The following PTPRE variants were observed in gnomAD, a reference collection of about 807,000 sequenced individuals.
PTPRE encodes protein tyrosine phosphatase receptor type E.
In PTPRE, 51 loss-of-function variants were observed where a neutral mutation model predicts 102.0. That is an observed-to-expected ratio of 0.50 (90% CI 0.40 to 0.63). PTPRE has a LOEUF of 0.63. Ranked by LOEUF, PTPRE falls within the 30% of genes least tolerant of loss-of-function variation. The probability of loss-of-function intolerance (pLI) is 0.00; values close to 1 mark genes in which losing one functional copy is unlikely to be tolerated. For synonymous variants in PTPRE, 345 were observed against 348.2 expected (o/e 0.99, Z 0.10); for missense variants, 752 against 915.1 (o/e 0.82, Z 2.30).
chr10:128,062,960 C>G (rs905940128), intron 9 of PTPRE, 123 bp from the exon 10 acceptor site: 2 of 1,482,692 alleles, frequency 1.3e-6, no homozygotes, highest in Non-Finnish European at 1.8e-6. Context: ...CGTGTGTGTC[C>G]CCAACAAGCC....
At chr10:128,067,510 A>G (rs888255870) in intron 11 of PTPRE, among the ~76,000 whole-genome samples, 5 of 151,662 alleles carry the variant, frequency 3.3e-5, no homozygotes, top group Non-Finnish European at 1.5e-5. Flanking sequence ...ACCCACACAT[A>G]CATGCGCACA....
intron 11 of PTPRE, among the ~76,000 whole-genome samples, chr10:128,067,228 A>T (rs372964036): frequency 3.3e-5 from 5 of 151,544 alleles, no homozygotes; most frequent in East Asian, 3.9e-4. Context: ...ACATGCACAC[A>T]CATGCACACA....
chr10:128,079,999 A>G (rs1010450116), intron 20 of PTPRE, among the ~76,000 whole-genome samples: 2 of 152,180 alleles, frequency 1.3e-5, no homozygotes, highest in African/African-American at 4.8e-5. Flanking sequence ...GAACTATTCT[A>G]CGAGAGTCCT....
intron 3 of PTPRE, among the ~76,000 whole-genome samples, chr10:128,043,742 A>C (rs1253211730): frequency 1.3e-5 from 2 of 152,230 alleles, no homozygotes; most frequent in East Asian, 3.9e-4. Flanking sequence ...GAAACAACTT[A>C]AATGTCCATC....
chr10:127,970,993 C>T (rs960819691), intron 1 of PTPRE, among the ~76,000 whole-genome samples: 3 of 152,112 alleles, frequency 2.0e-5, no homozygotes, highest in Admixed American at 2.0e-4. Flanking sequence ...GCAAAATCAG[C>T]TGCAGTCATT....
chr10:128,057,313 A>G (rs1849070207), intron 7 of PTPRE, among the ~76,000 whole-genome samples: 1 of 152,058 alleles, frequency 6.6e-6, no homozygotes, highest in Admixed American at 6.5e-5. Flanking sequence ...TTTGCCCATC[A>G]GGCTAACAAA....
chr10:128,007,270 T>G (rs1854660209), intron 2 of PTPRE, among the ~76,000 whole-genome samples: 1 of 152,224 alleles, frequency 6.6e-6, no homozygotes, highest in Non-Finnish European at 1.5e-5. Flanking sequence ...TTTTGGCTAG[T>G]TCATTCACTC....
At position 127,962,178 on chromosome 10, in the gene PTPRE, G is replaced by A. The variant is rs531808059; in HGVS notation, c.-30-20096G>A. Among the ~76,000 whole-genome samples, 9 of 152,304 alleles carry A rather than the reference G, an allele frequency of 5.9e-5. No homozygotes were observed. In the South Asian group the frequency reaches 1.9e-3, roughly 32 times the overall value. On this transcript the variant is annotated intron_variant, in intron 1 of 20. Transcript: ENST00000254667. ...GCAGCCCATGGTGCTGGGTGCCAGTGGGGGGTGAGGAAGAGGCTGCAGAGG... is the reference window on the plus strand; with the variant it reads ...GCAGCCCATGGTGCTGGGTGCCAGTAGGGGGTGAGGAAGAGGCTGCAGAGG...
At chr10:127,952,133 T>G (rs1178790523) in intron 1 of PTPRE, among the ~76,000 whole-genome samples, 3 of 152,132 alleles carry the variant, frequency 2.0e-5, no homozygotes, top group African/African-American at 4.8e-5. Context: ...TCACAATTGT[T>G]TTCAGGAATC....
chr10:128,070,696 G>A lies in PTPRE; in HGVS notation c.1294-112G>A. Reference sequence around the variant, plus strand: ...TGCTAAGGAGGCTTCCTGGGTTGGAGAGTGGTTTCCTTTGAGCAGGCGTCC... The same window carrying A: ...TGCTAAGGAGGCTTCCTGGGTTGGAAAGTGGTTTCCTTTGAGCAGGCGTCC... On this transcript the variant is annotated intron_variant, in intron 14 of 20. Coordinates refer to ENST00000254667, the MANE Select transcript of PTPRE (RefSeq NM_006504.6). This position sits in a 1 kb window ranked among gnomAD's most constrained non-coding sequence, Gnocchi z 4.8. 1 of 1,268,978 alleles carries A rather than the reference G, an allele frequency of 7.9e-7. No homozygotes were observed. The highest frequency in any genetic ancestry group is 1.1e-6 in the Non-Finnish European group (1 of 907,212). The allele number at this position is 1,268,978 out of a possible 1,614,324, so 78.6% of individuals were successfully genotyped here.
At chr10:128,049,380 G>A in intron 5 of PTPRE, 150 bp from the exon 6 acceptor site, 3 of 961,274 alleles carry the variant, frequency 3.1e-6, no homozygotes, top group Non-Finnish European at 4.6e-6. Flanking sequence ...AGCTGCTCGG[G>A]ACCCGGCTTA....
At chr10:127,966,923 A>G (rs75161548) in intron 1 of PTPRE, among the ~76,000 whole-genome samples, 1 of 152,318 alleles carries the variant, frequency 6.6e-6, no homozygotes, top group East Asian at 1.9e-4. Context: ...AATTCTTTTG[A>G]AAAAAATGAT....
chr10:127,977,492 A>G (rs892768174), intron 1 of PTPRE, among the ~76,000 whole-genome samples: 12 of 152,328 alleles, frequency 7.9e-5, no homozygotes, highest in African/African-American at 2.9e-4. Flanking sequence ...AGCAACCTAC[A>G]TTCTGCCCAC....
intron 8 of PTPRE, 56 bp from the exon 9 acceptor site, chr10:128,061,623 A>T (rs1849597699): frequency 1.3e-6 from 2 of 1,552,518 alleles, no homozygotes; most frequent in Non-Finnish European, 1.7e-6. Flanking sequence ...ACACCAACAA[A>T]TCCTTTCAGC....
At chr10:127,926,297 T>C (rs1299850483) in intron 1 of PTPRE, among the ~76,000 whole-genome samples, 1 of 152,236 alleles carries the variant, frequency 6.6e-6, no homozygotes, top group Non-Finnish European at 1.5e-5. Flanking sequence ...GAGTACAGAT[T>C]GTTGAAAATT....
At chr10:128,081,179 T>C (rs1364783947) in intron 20 of PTPRE, among the ~76,000 whole-genome samples, 1 of 152,148 alleles carries the variant, frequency 6.6e-6, no homozygotes, top group Admixed American at 6.5e-5. Flanking sequence ...AAAAATATTA[T>C]TGAGTAAAGA....
intron 2 of PTPRE, among the ~76,000 whole-genome samples, chr10:128,027,006 T>C (rs550952043): frequency 6.6e-6 from 1 of 152,354 alleles, no homozygotes; most frequent in Non-Finnish European, 1.5e-5. Flanking sequence ...AATCATATTG[T>C]CCTGATTTCA....
At chr10:127,940,063 G>A (rs958937642) in intron 1 of PTPRE, among the ~76,000 whole-genome samples, 2 of 151,090 alleles carry the variant, frequency 1.3e-5, no homozygotes, top group Non-Finnish European at 3.0e-5. Context: ...GAGGCAGGAG[G>A]AGGCAAGATG....
At chr10:127,963,759 A>G (rs747631107) in intron 1 of PTPRE, among the ~76,000 whole-genome samples, 2 of 152,128 alleles carry the variant, frequency 1.3e-5, no homozygotes, top group Non-Finnish European at 2.9e-5. Context: ...AGTCTCTAGC[A>G]GTGTGAGACA....
Sources: gnomAD v4.1 joint callset for allele counts (sites outside exome capture counted in the v4.1 genomes callset) on GRCh38, gnomAD v4.1.1 for gene constraint, Gnocchi (gnomAD v3.1) non-coding constraint, MANE v1.5 for transcripts, NCBI Gene and HGNC (gene_info 2026-07-23, HGNC 2026-07-21) for gene names.